MED16: variants seen among roughly 807,000 people sequenced by gnomAD.
MED16 encodes mediator of RNA polymerase II transcription subunit 16.
A neutral mutation model predicts 84.4 loss-of-function variants in MED16; 81 were observed. The observed-to-expected ratio is 0.96, with a 90% confidence interval of 0.80 to 1.15. MED16 has a LOEUF of 1.15. Ranked by LOEUF, MED16 falls within the 50% of genes most tolerant of loss-of-function variation. The pLI is 0.00. For synonymous variants in MED16, 897 were observed against 552.2 expected (o/e 1.62, Z -8.76); for missense variants, 1,585 against 1,245.9 (o/e 1.27, Z -4.10).
rs1349324749 is a variant in MED16 at position 875,355 on chromosome 19, T to A, written c.1660A>T (p.Ile554Phe). 4 of 1,609,512 alleles carry A rather than the reference T, an allele frequency of 2.5e-6. No homozygotes were observed. The African/African-American group carries it at 5.4e-5, about 22-fold the overall frequency. ...GACTTCAGGGTGGAGCTGATGGCGA[T>A]GAGGAAGAGCTTGGTGTGGTAGTCG... ...VCDYHTKLFL[I>F]AISSTLKSLL... The change falls in exon 10 of 16, where the codon ATC becomes TTC. Residue 554 changes from isoleucine (I) to phenylalanine (F), a missense_variant. Physicochemically the swap from Ile to Phe is conservative, Grantham distance 21. Coordinates refer to ENST00000325464, the MANE Select transcript of MED16 (RefSeq NM_005481.3).
chr19:875,840 TAG>T (rs1320588229), intron 9 of MED16, among the ~76,000 whole-genome samples: 2 of 152,044 alleles, frequency 1.3e-5, no homozygotes, highest in African/African-American at 2.4e-5. Context: ...GACCCTGGTC[TAG>T]AGAGAATGAA....
chr19:871,295 G>A, intron 12 of MED16, 42 bp from the exon 13 acceptor site: 1 of 1,501,534 alleles, frequency 6.7e-7, no homozygotes, highest in Non-Finnish European at 9.0e-7. Flanking sequence ...CCCTGACTGG[G>A]GCACCGCCCG....
chr19:886,233 G>C lies in MED16; in HGVS notation c.448-32C>G. 2.7e-6 allele frequency: 4 copies of C among 1,478,728 alleles called. No homozygotes were observed. The East Asian group carries it at 9.5e-5, about 35-fold the overall frequency. The allele number at this position is 1,478,728 out of a possible 1,614,324, so 91.6% of individuals were successfully genotyped here. A position where few individuals can be genotyped will look rare whatever the true frequency, so the allele number is the denominator to read the frequency against. ...AGAAGGGAGGGAGGGAGGAGGGGCC[G>C]CTCAGGCTCATGGGGGCTGCCCCAT... is the stretch of plus-strand genomic sequence containing the variant. On this transcript the variant is annotated intron_variant, in intron 4 of 15. Transcript: ENST00000325464.
In MED16 at chr19:868,466, G is replaced by C. The variant is rs370700407; in HGVS notation, c.2433C>G (p.Asn811Lys). ...CCCACTGCTTCACCGCCGTGGTTCT[G>C]TTGGGCGACTTGAGCATGGTGACAC... ...CGCVTMLKSP[N>K]RTTAVKQWEQ... The change falls in exon 15 of 16, where the codon AAC becomes AAG. Residue 811 changes from asparagine (N) to lysine (K), a missense_variant. Coordinates refer to ENST00000325464, the MANE Select transcript of MED16 (RefSeq NM_005481.3). The C allele has an allele frequency of 1.2e-6, 2 of 1,610,996 alleles. No individual in the cohort carries two copies. Among genetic ancestry groups the C allele is most frequent in the African/African-American group, 1.3e-5 (1 of 74,932 alleles).
Position 891,137 on chromosome 19 carries a change from C to A in MED16, c.-6G>T, listed in dbSNP as rs748316523. The A allele has an allele frequency of 9.9e-6, 16 of 1,609,970 alleles. No individual in the cohort carries two copies. Among genetic ancestry groups the A allele is most frequent in the Non-Finnish European group, 1.3e-5 (15 of 1,177,822 alleles). On this transcript the variant is annotated 5_prime_UTR_variant, in exon 2 of 16. Coordinates refer to ENST00000325464, the MANE Select transcript of MED16 (RefSeq NM_005481.3). ...GGCCGCCGCAAATCACACATGAGGGCAGTCACCAGCTCCTGCGGGAGGGAG... is the reference window on the plus strand; with the variant it reads ...GGCCGCCGCAAATCACACATGAGGGAAGTCACCAGCTCCTGCGGGAGGGAG...
chr19:891,515 G>A (rs1054366184), intron 1 of MED16, among the ~76,000 whole-genome samples: 18 of 151,814 alleles, frequency 1.2e-4, no homozygotes, highest in African/African-American at 3.9e-4. Flanking sequence ...GGCAGCAAGT[G>A]GACACTAGCT....
At chr19:889,852 G>C in intron 3 of MED16, 45 bp from the exon 4 acceptor site, 2 of 1,569,296 alleles carry the variant, frequency 1.3e-6, no homozygotes, top group Non-Finnish European at 1.7e-6. Flanking sequence ...GGGATGGGCA[G>C]AGCACTGCGT....
intron 14 of MED16, among the ~76,000 whole-genome samples, 174 bp from the exon 15 acceptor site, chr19:868,673 T>A (rs1041508378): frequency 6.6e-6 from 1 of 152,074 alleles, no homozygotes; most frequent in African/African-American, 2.4e-5. Flanking sequence ...CCAGCAATGC[T>A]GCTCCCTGAA....
At chr19:889,871 G>C (rs531800134) in intron 3 of MED16, 64 bp from the exon 4 acceptor site, 1 of 1,517,590 alleles carries the variant, frequency 6.6e-7, no homozygotes, top group Non-Finnish European at 8.8e-7. Context: ...GTTGCAGGAC[G>C]GCACAGCGCC....
At chr19:885,122 G>A in intron 5 of MED16, 114 bp from the exon 6 acceptor site, 1 of 733,838 alleles carries the variant, frequency 1.4e-6, no homozygotes, top group Non-Finnish European at 2.3e-6. Flanking sequence ...TGTCTCTTCA[G>A]CCACGCCTGC....
intron 11 of MED16, among the ~76,000 whole-genome samples, chr19:872,338 T>C (rs2036096734): frequency 1.3e-5 from 2 of 151,858 alleles, no homozygotes; most frequent in Admixed American, 1.3e-4. Flanking sequence ...TGCAGAGTCG[T>C]CCCATCCCTG....
At chr19:879,178 G>A (rs2036348577) in intron 8 of MED16, among the ~76,000 whole-genome samples, 2 of 136,830 alleles carry the variant, frequency 1.5e-5, no homozygotes, top group African/African-American at 2.8e-5. Context: ...CCTTCCCCTG[G>A]TTGTCAATGC....
intron 8 of MED16, among the ~76,000 whole-genome samples, chr19:879,307 G>A (rs1405369270): frequency 7.5e-6 from 1 of 133,064 alleles, no homozygotes; most frequent in South Asian, 2.6e-4. Flanking sequence ...GGTTGTCAAT[G>A]CCCACCAAGC....
intron 4 of MED16, among the ~76,000 whole-genome samples, chr19:888,001 G>A (rs149409159): frequency 6.6e-6 from 1 of 151,838 alleles, no homozygotes; most frequent in Admixed American, 6.6e-5. Context: ...TTAGGAGTTC[G>A]AGACCACCCT....
At position 871,160 on chromosome 19, in the gene MED16, C is replaced by T; in HGVS notation, c.2192G>A (p.Trp731Ter). Residue 731 changes from tryptophan to a stop codon, truncating the protein, a stop_gained, in exon 13 of 16, where the codon TGG becomes TAG. Coordinates refer to ENST00000325464, the MANE Select transcript of MED16 (RefSeq NM_005481.3). LOFTEE classifies it high-confidence loss of function. ...PSQLLIPSLD[W>*]LPASDGLVSR... ...AACCAGGCCGTCGCTGGCTGGCAGC[C>T]AGTCCAGGCTGGGGATAAGCAGCTG... is the stretch of plus-strand genomic sequence containing the variant. 1 of 1,548,944 alleles carries T rather than the reference C, an allele frequency of 6.5e-7. No homozygotes were observed. The highest frequency in any genetic ancestry group is 8.7e-7 in the Non-Finnish European group (1 of 1,146,026).
In MED16 at chr19:868,503, CG is replaced by C. The variant is rs2035970178; in HGVS notation, c.2400-5del. ...GAGCATGGTGACACAGCCGCACCTG[CG>C]GGGAGGCAGGCACTGAGCGGGTTCC... On this transcript the variant is annotated splice_region_variant and splice_polypyrimidine_tract_variant and intron_variant, in intron 14 of 15. Transcript: ENST00000325464. 1 of 1,609,392 alleles carries C rather than the reference CG, an allele frequency of 6.2e-7. No homozygotes were observed. Among genetic ancestry groups the C allele is most frequent in the Admixed American group, 1.7e-5 (1 of 59,914 alleles).
At chr19:868,608 C>G (rs1326232555) in intron 14 of MED16, 109 bp from the exon 15 acceptor site, 1 of 1,434,630 alleles carries the variant, frequency 7.0e-7, no homozygotes, top group Non-Finnish European at 9.4e-7. Context: ...GTCCCTCACG[C>G]CTGCTCCCCA....
At chr19:871,724 G>A (rs73492568) in intron 12 of MED16, 300,151 of 1,161,394 alleles carry the variant, frequency 0.26, 44,850 homozygotes, top group Middle Eastern at 0.34. Context: ...ATGTTCTGGC[G>A]GGGGGCTCAG....
At position 875,224 on chromosome 19, in the gene MED16, G is replaced by A. The variant is rs757267674; in HGVS notation, c.1771+20C>T. 4.4e-5 allele frequency: 68 copies of A among 1,537,058 alleles called. No homozygotes were observed. The Middle Eastern group carries it at 5.3e-4, about 12-fold the overall frequency. ...TAGATGAAAGAAACCTCGAGGCCCC[G>A]GGCGTGGAAAAGGACCCACCGACGT... is the stretch of plus-strand genomic sequence containing the variant. On this transcript the variant is annotated intron_variant, in intron 10 of 15. Transcript: ENST00000325464.
Sources: gnomAD v4.1 joint callset for allele counts (sites outside exome capture counted in the v4.1 genomes callset) on GRCh38, gnomAD v4.1.1 for gene constraint, MANE v1.5 for transcripts, NCBI Gene and HGNC (gene_info 2026-07-23, HGNC 2026-07-21) for gene names.